Variants in LRP2 observed in about 807,000 individuals in gnomAD.
The protein encoded by LRP2 is LDL receptor related protein 2.
In LRP2, 172 loss-of-function variants were observed where a neutral mutation model predicts 531.0. The observed-to-expected ratio is 0.32, with a 90% CI of 0.29 to 0.37. The LOEUF (loss-of-function observed/expected upper bound fraction) is 0.37, where lower values mean the gene tolerates loss of function less well. LRP2 is among the 10% of genes least tolerant of loss of function. LRP2 has a pLI of 1.00. For missense variants in LRP2, 5,167 were observed against 5,868.3 expected, an observed-to-expected ratio of 0.88 and a Z score of 3.90; for synonymous variants, 1,992 against 2,027.6, an observed-to-expected ratio of 0.98 and a Z score of 0.47.
chr2:169,213,533 G>T, intron 36 of LRP2, 124 bp downstream of exon 36: 3 of 851,802 alleles, frequency 3.5e-6, no homozygotes, highest in Admixed American at 1.8e-5. Flanking sequence ...AATATTTCAG[G>T]TAACTTCAAT....
chr2:169,308,749 G>T (rs1459476087), intron 3 of LRP2, among the ~76,000 whole-genome samples: 1 of 152,122 alleles, frequency 6.6e-6, no homozygotes, highest in Non-Finnish European at 1.5e-5. Flanking sequence ...GTAATGGGAT[G>T]GCTGGGTCAA....
chr2:169,301,286 A>ATTAATT (rs1684278557), intron 4 of LRP2, among the ~76,000 whole-genome samples: 4 of 152,076 alleles, frequency 2.6e-5, no homozygotes, highest in Non-Finnish European at 5.9e-5. Flanking sequence ...TAATTGAATG[A>ATTAATT]CCTATAATTG....
At position 169,290,733 on chromosome 2, in the gene LRP2, C is replaced by T. The variant is rs977350545; in HGVS notation, c.922+112G>A. 25 of 1,154,196 alleles carry T rather than the reference C, an allele frequency of 2.2e-5. No homozygotes were observed. The South Asian group carries it at 3.3e-4, about 15-fold the overall frequency. The allele number at this position is 1,154,196 out of a possible 1,614,324, so 71.5% of individuals were successfully genotyped here. ...CGTTTCTCAGTTTATGCCACTAAGT[C>T]TTGGGGTGCTTTGTTATGCAAATGC... is the stretch of plus-strand genomic sequence containing the variant. On this transcript the variant is annotated intron_variant, in intron 8 of 78. Transcript: ENST00000649046.
chr2:169,228,999 A>T (rs1689303385), intron 31 of LRP2, among the ~76,000 whole-genome samples: 1 of 152,210 alleles, frequency 6.6e-6, no homozygotes, highest in East Asian at 1.9e-4. Flanking sequence ...TCATTCACTC[A>T]ACATTTACTG....
Position 169,262,471 on chromosome 2 carries a change from A to G in LRP2, c.2321-3254T>C, listed in dbSNP as rs1263278536. Among the ~76,000 whole-genome samples the G allele has an allele frequency of 2.8e-4, 39 of 138,206 alleles. No homozygotes were observed. In the Middle Eastern group the frequency reaches 0.011, roughly 40 times the overall value. The allele number at this position is 138,206 out of a possible 152,430, so 90.7% of individuals were successfully genotyped here. A position where few individuals can be genotyped will look rare whatever the true frequency, so the allele number is the denominator to read the frequency against. Reference sequence around the variant, plus strand: ...CAATAACAGACAAACAGAGAGCCAAATCATGAGTGAACTCCCATTCACAAT... The same window carrying G: ...CAATAACAGACAAACAGAGAGCCAAGTCATGAGTGAACTCCCATTCACAAT... On this transcript the variant is annotated intron_variant, in intron 16 of 78. Coordinates refer to ENST00000649046, the MANE Select transcript of LRP2 (RefSeq NM_004525.3).
intron 44 of LRP2, 67 bp from the exon 45 acceptor site, chr2:169,198,978 G>A (rs538087809): frequency 1.4e-5 from 22 of 1,526,468 alleles, no homozygotes; most frequent in Admixed American, 6.9e-5. Context: ...AACAGTATCC[G>A]TGCTAACACA....
chr2:169,326,427 G>T (rs1238353886), intron 1 of LRP2, among the ~76,000 whole-genome samples: 1 of 151,620 alleles, frequency 6.6e-6, no homozygotes, highest in South Asian at 2.1e-4. Flanking sequence ...TGTGTTGGCC[G>T]GGCTGGTCTC....
chr2:169,201,555 A>T, intron 44 of LRP2, 73 bp downstream of exon 44: 1 of 1,586,618 alleles, frequency 6.3e-7, no homozygotes, highest in Non-Finnish European at 8.6e-7. Context: ...CCTTTTTTTT[A>T]TATAATAATT....
intron 1 of LRP2, among the ~76,000 whole-genome samples, chr2:169,342,141 T>C (rs549310849): frequency 6.7e-4 from 100 of 149,956 alleles, no homozygotes; most frequent in Admixed American, 1.4e-3. Context: ...ACAAAGAAAA[T>C]GTCACACGCT....
At chr2:169,152,202 C>T (rs999882186) in intron 67 of LRP2, among the ~76,000 whole-genome samples, 2 of 152,162 alleles carry the variant, frequency 1.3e-5, no homozygotes, top group African/African-American at 4.8e-5. Context: ...TGGCTCTGGT[C>T]CCTGGGCCAC....
chr2:169,258,819 A>T (rs1352078136), intron 17 of LRP2, among the ~76,000 whole-genome samples: 2 of 152,130 alleles, frequency 1.3e-5, no homozygotes. Flanking sequence ...AAGTTAGAAG[A>T]AATGTTTTGG....
At chr2:169,198,034 T>C (rs1040156122) in intron 45 of LRP2, among the ~76,000 whole-genome samples, 2 of 152,190 alleles carry the variant, frequency 1.3e-5, no homozygotes, top group Non-Finnish European at 2.9e-5. Context: ...GAGCTATAAA[T>C]ACAGGAAATT....
Position 169,192,002 on chromosome 2 carries a change from G to T in LRP2, c.8862C>A (p.Leu2954=). 1.2e-6 allele frequency: 2 copies of T among 1,613,248 alleles called. No individual in the cohort carries two copies. Among genetic ancestry groups the T allele is most frequent in the Non-Finnish European group, 1.7e-6 (2 of 1,179,206 alleles). The change falls in exon 48 of 79, where the codon CTC becomes CTA. Residue 2954 remains leucine (L), a synonymous_variant. Transcript: ENST00000649046. ...QNQNCSDSEF[L]CVNDRPPDRR... Reference sequence around the variant, plus strand: ...TGTCCGGAGGTCTGTCATTTACACAGAGAAACTCGGAATCCGAGCAGTTTT... The same window carrying T: ...TGTCCGGAGGTCTGTCATTTACACATAGAAACTCGGAATCCGAGCAGTTTT...
At position 169,282,288 on chromosome 2, in the gene LRP2, C is replaced by T. The variant is rs115284390; in HGVS notation, c.1171+585G>A. ...GACCTTCGTCCGGAGAAATCAACAG[C>T]GACAAAATGCTTTGGAGCCCTCATC... On this transcript the variant is annotated intron_variant, in intron 10 of 78. Transcript: ENST00000649046. 1.4e-3 allele frequency among the ~76,000 whole-genome samples: 211 copies of T among 152,272 alleles called. 1 individual carries two copies. The highest frequency in any genetic ancestry group is 2.3e-3 in the Non-Finnish European group (154 of 68,018).
chr2:169,263,488 T>C (rs830990), intron 16 of LRP2, among the ~76,000 whole-genome samples: 139,825 of 149,282 alleles, frequency 0.94, 66,166 homozygotes, highest in East Asian at 1. Flanking sequence ...AAAAAACACA[T>C]GAAAAAATGC....
At chr2:169,315,334 A>C (rs994048631) in intron 3 of LRP2, among the ~76,000 whole-genome samples, 1 of 152,250 alleles carries the variant, frequency 6.6e-6, no homozygotes. Context: ...ATAGGCACAC[A>C]GGAATGATAG....
chr2:169,284,774 G>T (rs565088656), intron 9 of LRP2, among the ~76,000 whole-genome samples: 3 of 152,196 alleles, frequency 2.0e-5, no homozygotes, highest in South Asian at 2.1e-4. Flanking sequence ...CCCTGAGAAA[G>T]CTCCACCTAA....
Position 169,188,138 on chromosome 2 carries a change from C to A in LRP2, c.9160G>T (p.Asp3054Tyr), listed in dbSNP as rs1461732024. 1 of 1,614,140 alleles carries A rather than the reference C, an allele frequency of 6.2e-7. No individual in the cohort carries two copies. Among genetic ancestry groups the A allele is most frequent in the South Asian group, 1.1e-5 (1 of 91,070 alleles). ...TCAGATCCGTCTCCACAGTCATTATCCTCATCACAGACGAAGGTTTTACTA... is the reference window on the plus strand; with the variant it reads ...TCAGATCCGTCTCCACAGTCATTATACTCATCACAGACGAAGGTTTTACTA... ...CISKTFVCDE[D>Y]NDCGDGSDEL... Residue 3054 changes from aspartate (D) to tyrosine (Y), a missense_variant, in exon 49 of 79, where the codon GAT becomes TAT. Around this residue, in one of 6 missense-constraint regions of LRP2, gnomAD observed 1,129 missense variants for 1,362.7 expected, o/e 0.83. Coordinates refer to ENST00000649046, the MANE Select transcript of LRP2 (RefSeq NM_004525.3).
chr2:169,240,937 C>G (rs1275510623), intron 25 of LRP2, 51 bp downstream of exon 25: 1 of 1,600,150 alleles, frequency 6.2e-7, no homozygotes, highest in African/African-American at 1.3e-5. Context: ...GCACACCAGG[C>G]TACTGTTCAG....
Sources: allele counts gnomAD v4.1 joint callset (sites outside exome capture counted in the v4.1 genomes callset), GRCh38; gene constraint gnomAD v4.1.1; regional missense constraint gnomAD v4.1.1; transcripts MANE v1.5; gene names NCBI Gene and HGNC (gene_info 2026-07-23, HGNC 2026-07-21).